Variants in FMN2 observed in about 807,000 individuals in gnomAD.
FMN2 encodes the protein formin-2.
Under a neutral mutation model 142.3 loss-of-function variants are expected in FMN2, and 51 were observed. The ratio of observed to expected loss-of-function variants is 0.36; its 90% CI spans 0.29 to 0.45. FMN2 has a LOEUF of 0.45. Among genes scored for constraint, FMN2 ranks in the 20% least tolerant of loss-of-function variants. FMN2 has a pLI of 1.00. For missense variants in FMN2, 1,936 were observed against 2,122.8 expected (o/e 0.91, Z 1.73); for synonymous variants, 882 against 869.8 (o/e 1.01, Z -0.25).
intron 7 of FMN2, among the ~76,000 whole-genome samples, chr1:240,275,165 G>A (rs187774411): frequency 2.7e-5 from 4 of 150,408 alleles, no homozygotes; most frequent in East Asian, 2.0e-4. Flanking sequence ...AGGTATACAC[G>A]TGCCATGGTG....
chr1:240,276,547 A>G (rs1032667325), intron 7 of FMN2, among the ~76,000 whole-genome samples: 3 of 152,206 alleles, frequency 2.0e-5, no homozygotes, highest in Non-Finnish European at 4.4e-5. Flanking sequence ...AATCATGTGA[A>G]CACTTAGTTG....
intron 14 of FMN2, among the ~76,000 whole-genome samples, chr1:240,374,732 T>C (rs907553051): frequency 1.3e-5 from 2 of 152,192 alleles, no homozygotes. Flanking sequence ...TCAGCAATAA[T>C]GTTGTTTTTG....
intron 8 of FMN2, among the ~76,000 whole-genome samples, chr1:240,311,053 G>T (rs1189844851): frequency 6.6e-6 from 1 of 151,966 alleles, no homozygotes; most frequent in Non-Finnish European, 1.5e-5. Flanking sequence ...CACCCCCTTT[G>T]TCATTAAACA....
In FMN2 at chr1:240,092,227, G is replaced by T. The variant is rs1400501951; in HGVS notation, c.118G>T (p.Gly40Trp). ...TGTGGAAGCCACAAAGAAGGGGAGC[G>T]GGGGCAAGAAGGCGCTAGGCAAGCA... ...RDVEATKKGS[G>W]GKKALGKHGK... Residue 40 changes from glycine (G) to tryptophan (W), a missense_variant, in exon 1 of 18, where the codon GGG (glycine) becomes TGG (tryptophan). Coordinates refer to ENST00000319653, the MANE Select transcript of FMN2 (RefSeq NM_020066.5). 2 of 1,578,258 alleles carry T rather than the reference G, an allele frequency of 1.3e-6. No homozygotes were observed. The highest frequency in any genetic ancestry group is 1.2e-5 in the South Asian group (1 of 86,252).
chr1:240,121,882 T>C (rs1277210798), intron 1 of FMN2, among the ~76,000 whole-genome samples: 7 of 151,668 alleles, frequency 4.6e-5, no homozygotes, highest in Non-Finnish European at 1.0e-4. Context: ...AGCTCTCTTC[T>C]TGTGGGTTGG....
intron 1 of FMN2, among the ~76,000 whole-genome samples, chr1:240,116,767 A>C (rs923559799): frequency 2.6e-5 from 4 of 151,958 alleles, no homozygotes; most frequent in African/African-American, 7.3e-5. Context: ...AAAAAAAAAA[A>C]ATGGAAACAA....
chr1:240,451,921 T>TA (rs1425818864), intron 16 of FMN2, among the ~76,000 whole-genome samples: 1 of 151,932 alleles, frequency 6.6e-6, no homozygotes, highest in African/African-American at 2.4e-5. Flanking sequence ...CTCTGAAAAA[T>TA]AAAAAAACTT....
chr1:240,427,115 C>G (rs1674969271), intron 15 of FMN2, among the ~76,000 whole-genome samples: 2 of 151,602 alleles, frequency 1.3e-5, no homozygotes, highest in African/African-American at 4.9e-5. Flanking sequence ...CTAATATCAC[C>G]AAATACCAAG....
At chr1:240,316,916 GCACTC>G (rs1482619136) in intron 8 of FMN2, among the ~76,000 whole-genome samples, 1 of 152,064 alleles carries the variant, frequency 6.6e-6, no homozygotes, top group Non-Finnish European at 1.5e-5. Context: ...AATTTTGCAT[GCACTC>G]CTACTGGGTG....
intron 1 of FMN2, among the ~76,000 whole-genome samples, chr1:240,122,175 C>T (rs987068364): frequency 1.3e-5 from 2 of 152,056 alleles, no homozygotes; most frequent in East Asian, 1.9e-4. Flanking sequence ...GCAACCTCTG[C>T]CTCCTGGGTT....
chr1:240,333,571 A>G (rs1671456057), intron 11 of FMN2, among the ~76,000 whole-genome samples: 5 of 152,142 alleles, frequency 3.3e-5, no homozygotes, highest in Admixed American at 3.3e-4. Flanking sequence ...AACAAAAACA[A>G]TAAAAACACA....
At chr1:240,127,621 G>A (rs1662568075) in intron 2 of FMN2, among the ~76,000 whole-genome samples, 1 of 152,058 alleles carries the variant, frequency 6.6e-6, no homozygotes, top group South Asian at 2.1e-4. Context: ...GGAACTATAG[G>A]CATGAGCCAC....
chr1:240,325,496 T>TA (rs1671142411), intron 8 of FMN2, among the ~76,000 whole-genome samples: 1 of 152,094 alleles, frequency 6.6e-6, no homozygotes, highest in East Asian at 1.9e-4. Flanking sequence ...AACACACACA[T>TA]ACAGATTTGA....
chr1:240,421,901 C>T (rs1326736132), intron 15 of FMN2, among the ~76,000 whole-genome samples: 2 of 152,136 alleles, frequency 1.3e-5, no homozygotes, highest in African/African-American at 2.4e-5. Context: ...CAAGGACAGG[C>T]TCTCATACCT....
intron 8 of FMN2, among the ~76,000 whole-genome samples, chr1:240,308,396 A>G (rs1670488167): frequency 6.6e-6 from 1 of 152,178 alleles, no homozygotes; most frequent in Admixed American, 6.5e-5. Flanking sequence ...TAGAGGATTC[A>G]TGTTTCAAAG....
At chr1:240,237,056 TTTG>T (rs1390037363) in intron 6 of FMN2, among the ~76,000 whole-genome samples, 1 of 152,210 alleles carries the variant, frequency 6.6e-6, no homozygotes. Flanking sequence ...GATGTGAGTT[TTTG>T]TTGTTGTTTT....
chr1:240,207,617 C>A lies in FMN2; in HGVS notation c.2805C>A (p.Pro935=). 8.5e-7 allele frequency: 1 copy of A among 1,171,430 alleles called. No homozygotes were observed. The highest frequency in any genetic ancestry group is 1.1e-6 in the Non-Finnish European group (1 of 897,194). 72.6% of individuals were successfully genotyped at this position (1,171,430 alleles called of 1,614,324 possible). ...CCGGAGCAGGCATACTCCCTCTGCC[C>A]CCTCTACCCGGAGCGGGAATACCTC... ...PLPGAGILPL[P]PLPGAGIPPP... The change falls in exon 5 of 18, where the codon CCC becomes CCA. Residue 935 remains proline, a synonymous_variant. Transcript: ENST00000319653.
chr1:240,403,155 A>G (rs1054840422), intron 15 of FMN2, among the ~76,000 whole-genome samples: 6 of 152,256 alleles, frequency 3.9e-5, no homozygotes, highest in African/African-American at 1.4e-4. Flanking sequence ...AAAGGAAATC[A>G]GGGTGAGAAA....
At chr1:240,365,784 GTTCA>G (rs1572235238) in intron 14 of FMN2, among the ~76,000 whole-genome samples, 1 of 152,038 alleles carries the variant, frequency 6.6e-6, no homozygotes, top group African/African-American at 2.4e-5. Context: ...AATATACATT[GTTCA>G]TTCATTAATG....
Sources: gnomAD v4.1 joint callset for allele counts (sites outside exome capture counted in the v4.1 genomes callset) on GRCh38, gnomAD v4.1.1 for gene constraint, MANE v1.5 for transcripts, NCBI Gene and HGNC (gene_info 2026-07-23, HGNC 2026-07-21) for gene names.